TOX2: variants seen among roughly 807,000 people sequenced by gnomAD.
The protein encoded by TOX2 is granulosa cell HMG box 1.
A neutral mutation model predicts 47.4 loss-of-function variants in TOX2; 15 were observed. That is an observed-to-expected ratio of 0.32 (90% CI 0.21 to 0.49). The LOEUF (loss-of-function observed/expected upper bound fraction) is 0.49. Among genes scored for constraint, TOX2 ranks in the 20% least tolerant of loss-of-function variants. TOX2 has a pLI of 0.99. For synonymous variants in TOX2, 290 were observed against 296.6 expected, an observed-to-expected ratio of 0.98 and a Z score of 0.23; for missense variants, 622 against 673.1, an observed-to-expected ratio of 0.92 and a Z score of 0.84.
intron 1 of TOX2, among the ~76,000 whole-genome samples, chr20:43,969,790 C>T (rs1044344194): frequency 6.6e-6 from 1 of 152,244 alleles, no homozygotes; most frequent in Non-Finnish European, 1.5e-5. Context: ...CCTCTGCCAG[C>T]TTCTCAAGTG....
At chr20:43,945,789 C>A in intron 1 of TOX2, 1 of 1,373,408 alleles carries the variant, frequency 7.3e-7, no homozygotes, top group Non-Finnish European at 9.9e-7. Context: ...TTTTCCATTT[C>A]ACCTTATACG....
chr20:43,948,699 A>T (rs2069510396), intron 1 of TOX2, among the ~76,000 whole-genome samples: 1 of 152,022 alleles, frequency 6.6e-6, no homozygotes, highest in Non-Finnish European at 1.5e-5. Flanking sequence ...CCGTCTAGCC[A>T]GGGGGCCTGG....
At chr20:43,938,892 G>T (rs73908120) in intron 1 of TOX2, among the ~76,000 whole-genome samples, 1,560 of 152,304 alleles carry the variant, frequency 0.01, 29 homozygotes, top group African/African-American at 0.036. Context: ...AGGCCAGGGG[G>T]TTTTTCCAGC....
At chr20:44,056,949 A>C (rs894763924) in intron 5 of TOX2, among the ~76,000 whole-genome samples, 2 of 152,156 alleles carry the variant, frequency 1.3e-5, no homozygotes, top group Non-Finnish European at 1.5e-5. Context: ...TCACTCTGTC[A>C]CCCAGGCTAG....
intron 3 of TOX2, among the ~76,000 whole-genome samples, chr20:44,037,128 A>G (rs765128648): frequency 6.6e-6 from 1 of 151,998 alleles, no homozygotes; most frequent in Non-Finnish European, 1.5e-5. Flanking sequence ...TAATTTTTGT[A>G]TTTTTAGTAG....
At chr20:44,067,090 G>T (rs1156495313) in intron 8 of TOX2, among the ~76,000 whole-genome samples, 3 of 152,220 alleles carry the variant, frequency 2.0e-5, no homozygotes, top group Admixed American at 2.0e-4. Context: ...CTTCAGTCTT[G>T]CTGCTTCTTC....
intron 1 of TOX2, among the ~76,000 whole-genome samples, chr20:43,951,692 T>C (rs1230879520): frequency 1.4e-5 from 2 of 144,358 alleles, no homozygotes; most frequent in African/African-American, 5.2e-5. Flanking sequence ...TGACCATTAC[T>C]ATTAAACTTA....
At chr20:44,017,503 G>A (rs989022293) in intron 3 of TOX2, among the ~76,000 whole-genome samples, 1 of 152,144 alleles carries the variant, frequency 6.6e-6, no homozygotes. Flanking sequence ...AGAACATCAC[G>A]ATGGCCAGCC....
intron 4 of TOX2, among the ~76,000 whole-genome samples, chr20:44,053,501 CAT>C (rs1042812799): frequency 2.8e-5 from 4 of 145,060 alleles, no homozygotes; most frequent in African/African-American, 5.3e-5. Context: ...TATATACAGA[CAT>C]ATATATACTA....
At chr20:44,055,786 G>T (rs761196548) in intron 5 of TOX2, among the ~76,000 whole-genome samples, 3 of 152,154 alleles carry the variant, frequency 2.0e-5, no homozygotes, top group Non-Finnish European at 2.9e-5. Flanking sequence ...CTTGCATCTG[G>T]CTTCCATTCT....
chr20:44,068,865 G>C lies in TOX2; in HGVS notation c.*179G>C. The C allele has an allele frequency of 1.2e-6, 1 of 833,142 alleles. No homozygotes were observed. The allele number at this position is 833,142 out of a possible 1,614,324, so 51.6% of individuals were successfully genotyped here. A position where few individuals can be genotyped will look rare whatever the true frequency, so the allele number is the denominator to read the frequency against. On this transcript the variant is annotated 3_prime_UTR_variant, in exon 9 of 9. Coordinates refer to ENST00000341197, the MANE Select transcript of TOX2 (RefSeq NM_001098797.2). ...CCTCCCACCAGACTCTGCAGAGGCA[G>C]CCCACTGCCCACCACCAGCCCAAAG... is the stretch of plus-strand genomic sequence containing the variant.
intron 3 of TOX2, among the ~76,000 whole-genome samples, chr20:44,039,408 G>A (rs1026098403): frequency 6.6e-6 from 1 of 152,164 alleles, no homozygotes; most frequent in Non-Finnish European, 1.5e-5. Flanking sequence ...GAGCTGCTGA[G>A]AGATGGAGAG....
intron 3 of TOX2, among the ~76,000 whole-genome samples, chr20:44,050,487 A>G (rs1264454987): frequency 6.6e-6 from 1 of 152,234 alleles, no homozygotes; most frequent in Non-Finnish European, 1.5e-5. Flanking sequence ...AAAAATCGTA[A>G]GAGTATGCAA....
At chr20:43,946,134 A>G in intron 1 of TOX2, 1 of 1,527,868 alleles carries the variant, frequency 6.5e-7, no homozygotes, top group Admixed American at 1.9e-5. Context: ...GCAGGCAGGG[A>G]CCTGGACTGG....
chr20:43,936,920 C>G (rs2069333548), intron 1 of TOX2, among the ~76,000 whole-genome samples: 1 of 152,218 alleles, frequency 6.6e-6, no homozygotes, highest in Non-Finnish European at 1.5e-5. Flanking sequence ...CAGCTGCCCC[C>G]ACTCTTCAGA....
chr20:44,032,623 T>C (rs1225950699), intron 3 of TOX2, among the ~76,000 whole-genome samples: 3 of 152,036 alleles, frequency 2.0e-5, no homozygotes, highest in Non-Finnish European at 4.4e-5. Context: ...GGACTTTGGC[T>C]TTTACTTGAG....
At chr20:43,960,893 G>A (rs746862122) in intron 1 of TOX2, among the ~76,000 whole-genome samples, 19 of 152,200 alleles carry the variant, frequency 1.2e-4, no homozygotes, top group Non-Finnish European at 2.8e-4. Context: ...ACGGCCCAGG[G>A]GCTCAGAGGG....
intron 1 of TOX2, among the ~76,000 whole-genome samples, chr20:43,966,185 T>C (rs142173766): frequency 1.6e-4 from 25 of 152,224 alleles, no homozygotes; most frequent in African/African-American, 5.3e-4. Context: ...GAAGGCAAAG[T>C]GAAGTTAAAG....
intron 3 of TOX2, among the ~76,000 whole-genome samples, chr20:44,015,477 TTA>T (rs1311952088): frequency 6.6e-6 from 1 of 152,180 alleles, no homozygotes; most frequent in Admixed American, 6.5e-5. Context: ...TGTAACACAT[TTA>T]TGTTTCCCAT....
Sources: gnomAD v4.1 joint callset for allele counts (sites outside exome capture counted in the v4.1 genomes callset) on GRCh38, gnomAD v4.1.1 for gene constraint, MANE v1.5 for transcripts, NCBI Gene and HGNC (gene_info 2026-07-23, HGNC 2026-07-21) for gene names.